Variants in PRKD1 observed in about 807,000 individuals in gnomAD.
PRKD1 encodes protein kinase D1.
Under a neutral mutation model 95.9 loss-of-function variants are expected in PRKD1, and 63 were observed. The observed-to-expected ratio is 0.66, with a 90% CI of 0.54 to 0.81. The LOEUF (loss-of-function observed/expected upper bound fraction) is 0.81, where lower values mean the gene tolerates loss of function less well. PRKD1 is among the 30% of genes least tolerant of loss of function. The pLI is 0.00. For synonymous variants in PRKD1, 425 were observed against 423.1 expected, an observed-to-expected ratio of 1.00 and a Z score of -0.05; for missense variants, 1,048 against 1,165.3, an observed-to-expected ratio of 0.90 and a Z score of 1.47.
intron 2 of PRKD1, among the ~76,000 whole-genome samples, chr14:29,701,243 T>C (rs1884828806): frequency 6.6e-6 from 1 of 152,160 alleles, no homozygotes; most frequent in South Asian, 2.1e-4. Flanking sequence ...TGGAAATTTG[T>C]TAGAAATGTA....
At chr14:29,872,126 C>G (rs1316917134) in intron 1 of PRKD1, among the ~76,000 whole-genome samples, 1 of 152,128 alleles carries the variant, frequency 6.6e-6, no homozygotes, top group Non-Finnish European at 1.5e-5. Flanking sequence ...CTCTGCTAAA[C>G]TGTTAGATTG....
At chr14:29,681,093 A>C (rs1883515932) in intron 2 of PRKD1, among the ~76,000 whole-genome samples, 2 of 152,252 alleles carry the variant, frequency 1.3e-5, no homozygotes, top group African/African-American at 4.8e-5. Context: ...AGAGAATAAG[A>C]AATGGTCTAG....
chr14:29,697,729 GAATTTCTCCAGC>G (rs1884606314), intron 2 of PRKD1, among the ~76,000 whole-genome samples: 2 of 151,882 alleles, frequency 1.3e-5, no homozygotes, highest in South Asian at 4.1e-4. Flanking sequence ...GATTGTGCTT[GAATTTCTCCAGC>G]AATTTCAGCA....
intron 1 of PRKD1, among the ~76,000 whole-genome samples, chr14:29,909,032 G>A (rs910592669): frequency 5.9e-5 from 9 of 152,296 alleles, no homozygotes; most frequent in Admixed American, 1.3e-4. Flanking sequence ...TGCGAGTGGC[G>A]CTCACGGGTC....
chr14:29,812,098 G>C (rs1332312684), intron 1 of PRKD1: 2 of 152,144 alleles, frequency 1.3e-5, no homozygotes, highest in African/African-American at 4.8e-5. Flanking sequence ...GGGAAATCTG[G>C]ATTGTGTGCC....
chr14:29,800,040 T>C (rs1200543882), intron 1 of PRKD1, among the ~76,000 whole-genome samples: 1 of 152,178 alleles, frequency 6.6e-6, no homozygotes, highest in Non-Finnish European at 1.5e-5. Context: ...AGAAAATACA[T>C]GTGTTAGATA....
intron 11 of PRKD1, 31 bp from the exon 12 acceptor site, chr14:29,626,587 A>G: frequency 7.0e-7 from 1 of 1,434,782 alleles, no homozygotes; most frequent in Admixed American, 1.9e-5. Context: ...AAAAAAAAAC[A>G]TGAAGCAGAA....
Position 29,628,976 on chromosome 14 carries a change from T to C in PRKD1, c.1725+65A>G, listed in dbSNP as rs567026868. ...AATTAAAATGAATTAAAAAAACTAT[T>C]TTATGATGCTTTTATTTTCCAGTAA... is the stretch of plus-strand genomic sequence containing the variant. On this transcript the variant is annotated intron_variant, in intron 11 of 17. Transcript: ENST00000331968. 1.2e-5 allele frequency: 14 copies of C among 1,188,208 alleles called. No individual in the cohort carries two copies. In the African/African-American group the frequency reaches 1.6e-4, roughly 14 times the overall value. 73.6% of individuals were successfully genotyped at this position (1,188,208 alleles called of 1,614,324 possible).
intron 1 of PRKD1, among the ~76,000 whole-genome samples, chr14:29,824,363 T>C (rs1359997266): frequency 6.6e-6 from 1 of 152,172 alleles, no homozygotes; most frequent in East Asian, 1.9e-4. Context: ...CTTTATCATT[T>C]TGAACCACCA....
chr14:29,903,161 G>T (rs1894377693), intron 1 of PRKD1, among the ~76,000 whole-genome samples: 1 of 152,138 alleles, frequency 6.6e-6, no homozygotes, highest in African/African-American at 2.4e-5. Flanking sequence ...ATTTAACAGA[G>T]AATTTTCCCC....
chr14:29,745,840 G>A (rs1252178039), intron 1 of PRKD1, among the ~76,000 whole-genome samples: 1 of 152,028 alleles, frequency 6.6e-6, no homozygotes, highest in East Asian at 1.9e-4. Flanking sequence ...ATCAATGGAG[G>A]GTTCAGGCTC....
intron 1 of PRKD1, among the ~76,000 whole-genome samples, chr14:29,859,607 CAAA>C (rs60316151): frequency 4.8e-5 from 6 of 124,594 alleles, no homozygotes; most frequent in Admixed American, 8.5e-5. Flanking sequence ...GACTCTGTCT[CAAA>C]AAAAAAAAAA....
chr14:29,915,565 G>A (rs539442035), intron 1 of PRKD1, among the ~76,000 whole-genome samples: 1 of 152,174 alleles, frequency 6.6e-6, no homozygotes, highest in South Asian at 2.1e-4. Flanking sequence ...CTGAAGGGGT[G>A]GGAAGTGGGG....
intron 1 of PRKD1, among the ~76,000 whole-genome samples, chr14:29,821,235 T>C (rs1480226473): frequency 6.6e-6 from 1 of 152,162 alleles, no homozygotes; most frequent in African/African-American, 2.4e-5. Context: ...TAAGGTAGAT[T>C]GTGTAGATTG....
chr14:29,744,812 G>A (rs182666976), intron 1 of PRKD1, among the ~76,000 whole-genome samples: 80 of 152,172 alleles, frequency 5.3e-4, no homozygotes, highest in Non-Finnish European at 7.9e-4. Context: ...CTCCCAAAGC[G>A]CTGGAATTAC....
chr14:29,649,920 A>G (rs919500684), intron 4 of PRKD1, among the ~76,000 whole-genome samples: 1 of 152,148 alleles, frequency 6.6e-6, no homozygotes, highest in Admixed American at 6.5e-5. Flanking sequence ...TAGAGCATAC[A>G]GCCTCTACTA....
At chr14:29,830,285 C>T (rs934111514) in intron 1 of PRKD1, among the ~76,000 whole-genome samples, 8 of 152,298 alleles carry the variant, frequency 5.3e-5, no homozygotes, top group African/African-American at 1.9e-4. Flanking sequence ...TTGTCCCTCC[C>T]TCCTTCCCCA....
chr14:29,696,534 T>C (rs1194375399), intron 2 of PRKD1, among the ~76,000 whole-genome samples: 1 of 152,192 alleles, frequency 6.6e-6, no homozygotes, highest in East Asian at 1.9e-4. Context: ...ATGATGGAAA[T>C]TTCTAAAGTT....
chr14:29,577,429 C>G lies in PRKD1; in HGVS notation c.2548G>C (p.Glu850Gln), dbSNP rs1594332308. 2 of 1,613,756 alleles carry G rather than the reference C, an allele frequency of 1.2e-6. No homozygotes were observed. The highest frequency in any genetic ancestry group is 4.5e-5 in the East Asian group (2 of 44,868). ...QDYQTWLDLRELECKIGERYI... is the reference protein window; with the variant it reads ...QDYQTWLDLRQLECKIGERYI... ...CGCTCCCCGATTTTGCATTCCAGCTCTCGCAAATCTAACCAGGTCTGATAG... is the reference window on the plus strand; with the variant it reads ...CGCTCCCCGATTTTGCATTCCAGCTGTCGCAAATCTAACCAGGTCTGATAG... Residue 850 changes from glutamate to glutamine, a missense_variant, in exon 18 of 18, where the codon GAG (glutamate) becomes CAG (glutamine). By Grantham distance (29) the Glu-to-Gln change is conservative (BLOSUM62 2). Around this residue, in one of 3 missense-constraint regions of PRKD1, gnomAD observed 739 missense variants for 861.9 expected, o/e 0.86. Transcript: ENST00000331968.
Sources: gnomAD v4.1 joint callset for allele counts (sites outside exome capture counted in the v4.1 genomes callset) on GRCh38, gnomAD v4.1.1 for gene constraint, gnomAD v4.1.1 regional missense constraint, MANE v1.5 for transcripts, NCBI Gene and HGNC (gene_info 2026-07-23, HGNC 2026-07-21) for gene names.